Variants in GAS7 observed in about 807,000 individuals in gnomAD.
GAS7 encodes the protein growth arrest specific 7, also known as growth arrest-specific protein 7.
GAS7 carries 28 observed loss-of-function variants against 71.1 expected under a neutral mutation model. The observed-to-expected ratio is 0.39, with a 90% CI of 0.29 to 0.54. GAS7 has a LOEUF of 0.54. Among genes scored for constraint, GAS7 ranks in the 20% least tolerant of loss-of-function variants. The pLI is 0.62. For synonymous variants in GAS7, 258 were observed against 245.8 expected (o/e 1.05, Z -0.46); for missense variants, 436 against 627.8 (o/e 0.69, Z 3.27).
intron 1 of GAS7, chr17:10,061,130 T>A (rs1262182514): frequency 6.6e-6 from 1 of 152,324 alleles, no homozygotes; most frequent in Non-Finnish European, 1.5e-5. Flanking sequence ...TGTGCCAATC[T>A]GCTTCCCTCT....
intron 1 of GAS7, among the ~76,000 whole-genome samples, chr17:10,041,131 C>T (rs937592210): frequency 2.1e-5 from 3 of 145,960 alleles, no homozygotes; most frequent in Non-Finnish European, 4.5e-5. Context: ...AGCTGCACTC[C>T]GGCCTGAGTG....
intron 2 of GAS7, among the ~76,000 whole-genome samples, chr17:10,016,892 G>A (rs2072045215): frequency 6.6e-6 from 1 of 150,872 alleles, no homozygotes; most frequent in Admixed American, 6.6e-5. Context: ...TAACGCTGCA[G>A]TGAGCCATGA....
intron 2 of GAS7, 81 bp downstream of exon 2, chr17:10,019,696 A>C (rs1210845443): frequency 1.4e-6 from 2 of 1,385,934 alleles, no homozygotes; most frequent in Non-Finnish European, 2.0e-6. Flanking sequence ...AGAGAGGCGA[A>C]GAAGGGAGAA....
At position 9,915,995 on chromosome 17, in the gene GAS7, G is replaced by A. The variant is rs2067571543; in HGVS notation, c.*1233C>T. 1 of 232,918 alleles carries A rather than the reference G, an allele frequency of 4.3e-6. No individual in the cohort carries two copies. The highest frequency in any genetic ancestry group is 2.2e-5 in the African/African-American group (1 of 45,352). 14.4% of individuals were successfully genotyped at this position (232,918 alleles called of 1,614,324 possible). A position where few individuals can be genotyped will look rare whatever the true frequency, so the allele number is the denominator to read the frequency against. On this transcript the variant is annotated 3_prime_UTR_variant, in exon 14 of 14. Transcript: ENST00000432992. ...GAGGGAAAGGAGGTGCAGACACCAA[G>A]TAAGGGTTTGGTGCAGGGCTCTGGA...
intron 1 of GAS7, among the ~76,000 whole-genome samples, chr17:10,161,044 T>C (rs2074252009): frequency 6.6e-6 from 1 of 152,054 alleles, no homozygotes; most frequent in Admixed American, 6.6e-5. Flanking sequence ...TGGCCTTCAG[T>C]TGCAGATGGA....
chr17:10,145,426 C>T lies in GAS7; in HGVS notation c.183+52782G>A, dbSNP rs960941990. On this transcript the variant is annotated intron_variant, in intron 1 of 13. Transcript: ENST00000432992. ...AGTGTGTAAGACCCGAAGAGCTCTC[C>T]AGGCGCTCACTGTCAGAAAAGTTAG... Among the ~76,000 whole-genome samples the T allele has an allele frequency of 5.3e-5, 8 of 152,196 alleles. 1 individual carries two copies. Among genetic ancestry groups the T allele is most frequent in the African/African-American group, 1.9e-4 (8 of 41,434 alleles).
intron 1 of GAS7, among the ~76,000 whole-genome samples, chr17:10,100,080 C>T (rs192477448): frequency 1.1e-4 from 16 of 152,214 alleles, no homozygotes; most frequent in African/African-American, 3.6e-4. Flanking sequence ...TTTAAAGGCT[C>T]CGAAAGAGGA....
At chr17:10,029,327 CCTT>C (rs2072552060) in intron 1 of GAS7, among the ~76,000 whole-genome samples, 1 of 152,142 alleles carries the variant, frequency 6.6e-6, no homozygotes, top group South Asian at 2.1e-4. Context: ...CTCATGTCCT[CCTT>C]AGCAGAAGTA....
intron 1 of GAS7, among the ~76,000 whole-genome samples, chr17:10,127,171 A>T (rs1567602726): frequency 6.6e-6 from 1 of 152,184 alleles, no homozygotes; most frequent in African/African-American, 2.4e-5. Context: ...TTTGAACCCT[A>T]AATCAAGTTA....
chr17:10,112,321 G>T (rs4791928), intron 1 of GAS7, among the ~76,000 whole-genome samples: 127,833 of 152,046 alleles, frequency 0.84, 53,961 homozygotes, highest in Non-Finnish European at 0.88. Flanking sequence ...CTTTGGAAAG[G>T]GAGAGGCAGA....
chr17:10,180,348 A>G (rs1320441554), intron 1 of GAS7, among the ~76,000 whole-genome samples: 3 of 151,126 alleles, frequency 2.0e-5, no homozygotes, highest in African/African-American at 7.3e-5. Context: ...AAAAAAAAAA[A>G]GCTATGGAAA....
At position 9,917,191 on chromosome 17, in the gene GAS7, C is replaced by T. The variant is rs374655759; in HGVS notation, c.*37G>A. Reference sequence around the variant, plus strand: ...GCCCCATGGTGGGAGCCCAGCCCCCCTCCCCAGCAGGACCCCCCGAAGCTG... The same window carrying T: ...GCCCCATGGTGGGAGCCCAGCCCCCTTCCCCAGCAGGACCCCCCGAAGCTG... On this transcript the variant is annotated 3_prime_UTR_variant, in exon 14 of 14. Transcript: ENST00000432992. The T allele has an allele frequency of 1.1e-5, 14 of 1,252,368 alleles. No homozygotes were observed. Among genetic ancestry groups the T allele is most frequent in the Non-Finnish European group, 1.6e-5 (14 of 849,874 alleles). 77.6% of individuals were successfully genotyped at this position (1,252,368 alleles called of 1,614,324 possible).
In GAS7 at chr17:10,057,678, G is replaced by A. The variant is rs35626073; in HGVS notation, c.184-37781C>T. ...CCGCCCCGTCCGGGAGGTGGGGGGC[G>A]CCTCTGCCTGGCCGCCCCTTCTGGG... On this transcript the variant is annotated intron_variant, in intron 1 of 13. Transcript: ENST00000432992. Among the ~76,000 whole-genome samples the A allele has an allele frequency of 1.4e-3, 205 of 150,982 alleles. 1 individual carries two copies. The highest frequency in any genetic ancestry group is 4.8e-3 in the African/African-American group (196 of 41,146).
intron 1 of GAS7, among the ~76,000 whole-genome samples, chr17:10,023,449 T>A (rs952079322): frequency 1.3e-5 from 2 of 151,564 alleles, no homozygotes; most frequent in African/African-American, 4.9e-5. Context: ...AAATCCCCCA[T>A]CAACAGATGG....
At chr17:9,923,896 A>T (rs2067907050) in intron 11 of GAS7, among the ~76,000 whole-genome samples, 1 of 152,252 alleles carries the variant, frequency 6.6e-6, no homozygotes, top group Non-Finnish European at 1.5e-5. Flanking sequence ...GGGAATGATG[A>T]AACAAATTTG....
rs761524059 is a variant in GAS7 at position 9,917,364 on chromosome 17, G to A, written c.1318-23C>T. On this transcript the variant is annotated intron_variant, in intron 13 of 13. Coordinates refer to ENST00000432992, the MANE Select transcript of GAS7 (RefSeq NM_201433.2). ...TGTCTGCAAGAGACAGAGAAAATGC[G>A]ACACTGTTAGAGACGGCGGCCAAGC... 1.8e-5 allele frequency: 27 copies of A among 1,532,054 alleles called. No individual in the cohort carries two copies. In the East Asian group the frequency reaches 2.5e-4, roughly 14 times the overall value. The allele number at this position is 1,532,054 out of a possible 1,614,324, so 94.9% of individuals were successfully genotyped here.
chr17:9,972,998 C>A (rs965529468), intron 3 of GAS7, among the ~76,000 whole-genome samples: 1 of 152,110 alleles, frequency 6.6e-6, no homozygotes, highest in Non-Finnish European at 1.5e-5. Context: ...AAACATTCAA[C>A]TTAAGATCTG....
At chr17:10,140,865 A>G (rs1766807951) in intron 1 of GAS7, among the ~76,000 whole-genome samples, 2 of 152,218 alleles carry the variant, frequency 1.3e-5, no homozygotes, top group Admixed American at 6.5e-5. Context: ...AGTCACTTGT[A>G]TGTGCACAAC....
At chr17:10,036,282 A>G (rs1345965209) in intron 1 of GAS7, 2 of 724,118 alleles carry the variant, frequency 2.8e-6, no homozygotes, top group Non-Finnish European at 2.5e-6. Flanking sequence ...GCCCCCTAGC[A>G]CACAGGGTCC....
Sources: gnomAD v4.1 joint callset for allele counts (sites outside exome capture counted in the v4.1 genomes callset) on GRCh38, gnomAD v4.1.1 for gene constraint, MANE v1.5 for transcripts, NCBI Gene and HGNC (gene_info 2026-07-23, HGNC 2026-07-21) for gene names.